Variants in CMC1 observed in about 807,000 individuals in gnomAD.
CMC1 encodes the protein COX assembly mitochondrial protein homolog.
CMC1 carries 14 observed loss-of-function variants against 14.1 expected under a neutral mutation model. The ratio of observed to expected loss-of-function variants is 0.99; its 90% CI spans 0.66 to 1.55. The LOEUF is 1.55. Ranked by LOEUF, CMC1 falls within the 40% of genes most tolerant of loss-of-function variation. CMC1 has a pLI of 0.00. For synonymous variants in CMC1, 50 were observed against 38.4 expected (o/e 1.30, Z -1.12); for missense variants, 127 against 123.8 (o/e 1.03, Z -0.12).
chr3:28,264,662 A>G (rs1388054460), intron 2 of CMC1, among the ~76,000 whole-genome samples: 4 of 152,182 alleles, frequency 2.6e-5, no homozygotes, highest in Admixed American at 2.0e-4. Flanking sequence ...TATGGTCACA[A>G]GAGGTACATC....
At chr3:28,275,782 A>G (rs1210515538) in intron 2 of CMC1, among the ~76,000 whole-genome samples, 2 of 152,078 alleles carry the variant, frequency 1.3e-5, no homozygotes, top group African/African-American at 2.4e-5. Flanking sequence ...TCCCAGGGAG[A>G]TCAGAGTTCT....
In CMC1 at chr3:28,323,606, T is replaced by C. The variant is rs1162486539; in HGVS notation, c.*3977T>C. 1.3e-5 allele frequency: 2 copies of C among 153,194 alleles called. No homozygotes were observed. Among genetic ancestry groups the C allele is most frequent in the African/African-American group, 4.8e-5 (2 of 41,336 alleles). The allele number at this position is 153,194 out of a possible 1,614,324, so 9.5% of individuals were successfully genotyped here. On this transcript the variant is annotated 3_prime_UTR_variant, in exon 4 of 4. Transcript: ENST00000466830. Reference sequence around the variant, plus strand: ...TCTTTACGCATTATAACAACAGAAATGTAACCTACTCACATTGCCATTTGT... The same window carrying C: ...TCTTTACGCATTATAACAACAGAAACGTAACCTACTCACATTGCCATTTGT...
chr3:28,246,797 G>GTTTTTTTTTTTTTTTTTT (rs1559396120), intron 1 of CMC1, among the ~76,000 whole-genome samples: 1 of 139,310 alleles, frequency 7.2e-6, no homozygotes, highest in African/African-American at 2.7e-5. Flanking sequence ...GGGGTCCATT[G>GTTTTTTTTTTTTTTTTTT]ATTTTTTTTT....
intron 2 of CMC1, among the ~76,000 whole-genome samples, chr3:28,282,873 T>A (rs997959114): frequency 1.3e-5 from 2 of 152,214 alleles, no homozygotes; most frequent in African/African-American, 2.4e-5. Context: ...TTATTAGATA[T>A]CTTTCCTTAT....
chr3:28,253,303 C>T (rs12495268), intron 1 of CMC1, among the ~76,000 whole-genome samples: 3,799 of 152,198 alleles, frequency 0.025, 90 homozygotes, highest in Non-Finnish European at 0.04. Flanking sequence ...ACCAGTCGGA[C>T]GTGGCAGCTC....
chr3:28,269,486 G>A (rs1040942939), intron 2 of CMC1, among the ~76,000 whole-genome samples: 2 of 152,000 alleles, frequency 1.3e-5, no homozygotes, highest in African/African-American at 2.4e-5. Flanking sequence ...TGTGCAGGAT[G>A]TGCAGGTTTG....
At chr3:28,292,158 C>G (rs1373109311) in intron 2 of CMC1, among the ~76,000 whole-genome samples, 2 of 152,038 alleles carry the variant, frequency 1.3e-5, no homozygotes, top group Non-Finnish European at 2.9e-5. Flanking sequence ...GCATGTTGAG[C>G]CTTGCCAAAA....
In CMC1 at chr3:28,316,493, A is replaced by T; in HGVS notation, c.200+70A>T. The T allele has an allele frequency of 1.5e-5, 12 of 776,534 alleles. No homozygotes were observed. The Middle Eastern group carries it at 1.7e-3, about 109-fold the overall frequency. The allele number at this position is 776,534 out of a possible 1,614,324, so 48.1% of individuals were successfully genotyped here. A position where few individuals can be genotyped will look rare whatever the true frequency, so the allele number is the denominator to read the frequency against. Reference sequence around the variant, plus strand: ...TAGATAAGAGTATGTTACTTAACTCATTACATGTAATATATTCTGTACCTC... The same window carrying T: ...TAGATAAGAGTATGTTACTTAACTCTTTACATGTAATATATTCTGTACCTC... On this transcript the variant is annotated intron_variant, in intron 3 of 3. Transcript: ENST00000466830.
chr3:28,307,677 A>G (rs1702397651), intron 2 of CMC1, among the ~76,000 whole-genome samples: 1 of 152,070 alleles, frequency 6.6e-6, no homozygotes, highest in Non-Finnish European at 1.5e-5. Context: ...CTTCTAATTC[A>G]TCTAATAATT....
chr3:28,255,526 A>G (rs554307372), intron 1 of CMC1, among the ~76,000 whole-genome samples: 2 of 152,142 alleles, frequency 1.3e-5, no homozygotes, highest in Non-Finnish European at 2.9e-5. Context: ...GATTACAGGC[A>G]TGAACCACTG....
intron 1 of CMC1, among the ~76,000 whole-genome samples, chr3:28,246,235 G>T (rs183484878): frequency 6.6e-6 from 1 of 151,142 alleles, no homozygotes; most frequent in African/African-American, 2.4e-5. Context: ...TAAATTAAAA[G>T]CATATTTGCC....
At chr3:28,290,944 C>CTG (rs1701440169) in intron 2 of CMC1, among the ~76,000 whole-genome samples, 1 of 151,916 alleles carries the variant, frequency 6.6e-6, no homozygotes. Context: ...TAAGGAGGGT[C>CTG]TGTGGTCTCA....
intron 3 of CMC1, chr3:28,317,753 A>G (rs1190828812): frequency 6.6e-6 from 1 of 152,046 alleles, no homozygotes; most frequent in Non-Finnish European, 1.5e-5. Flanking sequence ...GTAAGAAGGA[A>G]TAATTATATC....
intron 1 of CMC1, among the ~76,000 whole-genome samples, chr3:28,262,902 T>C (rs1336970518): frequency 3.9e-5 from 6 of 152,186 alleles, no homozygotes; most frequent in Non-Finnish European, 7.4e-5. Flanking sequence ...ACTACTTGTG[T>C]GTCTCTTAAT....
intron 2 of CMC1, among the ~76,000 whole-genome samples, chr3:28,304,577 T>A (rs1274170391): frequency 6.6e-6 from 1 of 152,172 alleles, no homozygotes. Flanking sequence ...CTCATCTTAG[T>A]AGACGTCTCA....
chr3:28,281,185 A>G (rs892053517), intron 2 of CMC1, among the ~76,000 whole-genome samples: 9 of 152,248 alleles, frequency 5.9e-5, no homozygotes, highest in African/African-American at 2.2e-4. Flanking sequence ...TAAGCTGTCT[A>G]CATAAATGTG....
rs1300069994 is a variant in CMC1 at position 28,253,620 on chromosome 3, TC to T, written c.20-9665del. The T allele has an allele frequency of 2.6e-5, 12 of 464,780 alleles. No individual in the cohort carries two copies. The East Asian group carries it at 1.1e-3, about 43-fold the overall frequency. The allele number at this position is 464,780 out of a possible 1,614,324, so 28.8% of individuals were successfully genotyped here. A position where few individuals can be genotyped will look rare whatever the true frequency, so the allele number is the denominator to read the frequency against. On this transcript the variant is annotated intron_variant, in intron 1 of 3. Coordinates refer to ENST00000466830, the MANE Select transcript of CMC1 (RefSeq NM_182523.2). Reference sequence around the variant, plus strand: ...AAAACCAAAAAACCCCCCAAAAAACTCCCCCCAAAAAGCTAAACAAACAAAG... The same window carrying T: ...AAAACCAAAAAACCCCCCAAAAAACTCCCCCAAAAAGCTAAACAAACAAAG...
intron 2 of CMC1, among the ~76,000 whole-genome samples, chr3:28,287,088 T>C (rs1007778228): frequency 6.6e-6 from 1 of 152,148 alleles, no homozygotes; most frequent in African/African-American, 2.4e-5. Flanking sequence ...ATTCTCGGAT[T>C]CTTCCTAACA....
chr3:28,316,251 T>TG, intron 2 of CMC1, 82 bp from the exon 3 acceptor site: 2 of 693,014 alleles, frequency 2.9e-6, no homozygotes, highest in East Asian at 5.8e-5. Flanking sequence ...CTTTTTTTTT[T>TG]TCTAAAAAGA....
Sources: allele counts gnomAD v4.1 joint callset (sites outside exome capture counted in the v4.1 genomes callset), GRCh38; gene constraint gnomAD v4.1.1; transcripts MANE v1.5; gene names NCBI Gene and HGNC (gene_info 2026-07-23, HGNC 2026-07-21).